Variants in GALNT14 observed in about 807,000 individuals in gnomAD.
GALNT14 encodes polypeptide N-acetylgalactosaminyltransferase 14, also known as UDP-GalNAc:polypeptide N-acetylgalactosaminyltransferase 14.
In GALNT14, 60 loss-of-function variants were observed where a neutral mutation model predicts 77.5. The observed-to-expected ratio is 0.77, with a 90% CI of 0.63 to 0.96. GALNT14 has a LOEUF of 0.96. Ranked by LOEUF, GALNT14 falls within the 40% of genes least tolerant of loss-of-function variation. The pLI, the probability that GALNT14 is intolerant of heterozygous loss-of-function variation, is 0.00. For missense variants in GALNT14, 710 were observed against 731.0 expected (o/e 0.97, Z 0.33); for synonymous variants, 280 against 281.7 (o/e 0.99, Z 0.06).
intron 1 of GALNT14, among the ~76,000 whole-genome samples, chr2:30,994,181 C>T (rs1669883801): frequency 6.6e-6 from 1 of 152,132 alleles, no homozygotes. Flanking sequence ...TGACATTGTC[C>T]CTGAGGGTGG....
Position 31,099,547 on chromosome 2 carries a change from G to A in GALNT14, c.129+38411C>T, listed in dbSNP as rs532765552. On this transcript the variant is annotated intron_variant, in intron 1 of 14. Coordinates refer to ENST00000349752, the MANE Select transcript of GALNT14 (RefSeq NM_024572.4). ...AGTCTTGCTTTTACCTTTACATTTC[G>A]TTTTCATTTGGAATCTTATCTTGGT... 8.6e-5 allele frequency among the ~76,000 whole-genome samples: 13 copies of A among 151,840 alleles called. No homozygotes were observed. In the East Asian group the frequency reaches 1.7e-3, roughly 20 times the overall value.
At chr2:30,948,034 G>A (rs1349175173) in intron 6 of GALNT14, among the ~76,000 whole-genome samples, 2 of 152,172 alleles carry the variant, frequency 1.3e-5, no homozygotes, top group East Asian at 3.9e-4. Context: ...CTGTGGATAT[G>A]TCAACAGGAT....
chr2:31,030,620 T>G (rs959585077), intron 1 of GALNT14, among the ~76,000 whole-genome samples: 41 of 152,194 alleles, frequency 2.7e-4, no homozygotes, highest in African/African-American at 9.7e-4. Flanking sequence ...CCCTCATGTC[T>G]GCCATCTGCT....
chr2:30,928,794 T>A (rs1665544387), intron 11 of GALNT14, among the ~76,000 whole-genome samples: 1 of 151,966 alleles, frequency 6.6e-6, no homozygotes, highest in South Asian at 2.1e-4. Flanking sequence ...TTTTTGTATT[T>A]TTAGTAGAGT....
intron 1 of GALNT14, among the ~76,000 whole-genome samples, chr2:31,111,891 A>G (rs888813934): frequency 6.6e-6 from 1 of 151,896 alleles, no homozygotes; most frequent in Non-Finnish European, 1.5e-5. Flanking sequence ...TTGATGTTTT[A>G]AATAGGCCAT....
At chr2:31,070,652 T>C (rs1675306889) in intron 1 of GALNT14, among the ~76,000 whole-genome samples, 1 of 152,246 alleles carries the variant, frequency 6.6e-6, no homozygotes, top group South Asian at 2.1e-4. Flanking sequence ...GCACTTCCAA[T>C]TTTAATGCAA....
At chr2:30,999,425 A>G (rs1048125228) in intron 1 of GALNT14, among the ~76,000 whole-genome samples, 1 of 152,230 alleles carries the variant, frequency 6.6e-6, no homozygotes, top group Non-Finnish European at 1.5e-5. Context: ...GGCAGCTATT[A>G]TAATATTTCC....
At chr2:30,929,513 G>A in intron 10 of GALNT14, 26 bp from the exon 11 acceptor site, 1 of 1,569,612 alleles carries the variant, frequency 6.4e-7, no homozygotes, top group Non-Finnish European at 8.8e-7. Context: ...GTGACAAGGG[G>A]TGTCAGTAAG....
intron 3 of GALNT14, among the ~76,000 whole-genome samples, chr2:30,961,768 G>T (rs191882736): frequency 5.3e-5 from 8 of 151,042 alleles, no homozygotes; most frequent in Non-Finnish European, 8.8e-5. Context: ...TACAACCTCC[G>T]CCTCCCAGGT....
At chr2:31,113,935 C>A (rs769744528) in intron 1 of GALNT14, among the ~76,000 whole-genome samples, 1 of 152,048 alleles carries the variant, frequency 6.6e-6, no homozygotes, top group African/African-American at 2.4e-5. Flanking sequence ...GATAGGGAAG[C>A]TAAAAGCAGT....
intron 1 of GALNT14, among the ~76,000 whole-genome samples, chr2:31,048,910 G>T (rs12712307): frequency 0.75 from 113,446 of 152,044 alleles, 42,590 homozygotes; most frequent in East Asian, 0.99. Context: ...GTGCCTGACC[G>T]GCTCATTCCC....
intron 13 of GALNT14, among the ~76,000 whole-genome samples, chr2:30,923,185 CCT>C (rs1206765552): frequency 2.0e-5 from 3 of 151,614 alleles, no homozygotes; most frequent in Admixed American, 1.3e-4. Flanking sequence ...GCCTCAGCCC[CCT>C]GAGTAGCTGG....
chr2:30,932,237 T>C, intron 9 of GALNT14, 43 bp from the exon 10 acceptor site: 1 of 1,391,006 alleles, frequency 7.2e-7, no homozygotes, highest in Non-Finnish European at 9.4e-7. Context: ...TTATCACTGC[T>C]GCTGCAGCTT....
chr2:30,988,042 C>G (rs1210333583), intron 2 of GALNT14, among the ~76,000 whole-genome samples: 1 of 152,194 alleles, frequency 6.6e-6, no homozygotes, highest in Non-Finnish European at 1.5e-5. Context: ...ATTCCTTCTA[C>G]AAGGCCCCTG....
chr2:30,967,282 T>C (rs959635392), intron 2 of GALNT14, among the ~76,000 whole-genome samples: 3 of 152,210 alleles, frequency 2.0e-5, no homozygotes, highest in Non-Finnish European at 4.4e-5. Context: ...GCATTTCTTT[T>C]CCCCTGGAAA....
At chr2:30,921,848 C>A (rs1483308092) in intron 13 of GALNT14, among the ~76,000 whole-genome samples, 1 of 152,160 alleles carries the variant, frequency 6.6e-6, no homozygotes, top group East Asian at 1.9e-4. Flanking sequence ...GGAGGTGCTG[C>A]TGGCAAGAGT....
intron 13 of GALNT14, among the ~76,000 whole-genome samples, chr2:30,913,776 G>A (rs1354508537): frequency 6.6e-6 from 1 of 152,160 alleles, no homozygotes; most frequent in Non-Finnish European, 1.5e-5. Context: ...AGTACTCCCT[G>A]GGGAGAGATG....
At chr2:30,929,519 G>T in intron 10 of GALNT14, 32 bp from the exon 11 acceptor site, 1 of 1,541,746 alleles carries the variant, frequency 6.5e-7, no homozygotes, top group African/African-American at 1.4e-5. Flanking sequence ...AGGGGTGTCA[G>T]TAAGGGGCTG....
chr2:31,009,318 C>T (rs76282384), intron 1 of GALNT14, among the ~76,000 whole-genome samples: 21,955 of 152,100 alleles, frequency 0.14, 1,800 homozygotes, highest in Admixed American at 0.26. Context: ...AAAAGCCCCC[C>T]TTCGAGGGTC....
Sources: allele counts gnomAD v4.1 joint callset (sites outside exome capture counted in the v4.1 genomes callset), GRCh38; gene constraint gnomAD v4.1.1; transcripts MANE v1.5; gene names NCBI Gene and HGNC (gene_info 2026-07-23, HGNC 2026-07-21).